Variants in EFEMP1 observed in about 807,000 individuals in gnomAD.
EFEMP1 encodes EGF-containing fibulin-like extracellular matrix protein 1.
Under a neutral mutation model 65.7 loss-of-function variants are expected in EFEMP1, and 18 were observed. The ratio of observed to expected loss-of-function variants is 0.27; its 90% CI spans 0.19 to 0.41. The LOEUF (loss-of-function observed/expected upper bound fraction) is 0.41, where lower values mean the gene tolerates loss of function less well. Among genes scored for constraint, EFEMP1 ranks in the 10% least tolerant of loss-of-function variants. The pLI, the probability that EFEMP1 is intolerant of heterozygous loss-of-function variation, is 1.00. For synonymous variants in EFEMP1, 237 were observed against 219.7 expected (o/e 1.08, Z -0.70); for missense variants, 469 against 624.8 (o/e 0.75, Z 2.66).
intron 5 of EFEMP1, among the ~76,000 whole-genome samples, chr2:55,889,689 G>C (rs542756547): frequency 6.6e-5 from 10 of 152,212 alleles, no homozygotes; most frequent in Admixed American, 5.9e-4. Context: ...AGTTTGGCAG[G>C]AAGAGGAATA....
At chr2:55,913,775 T>A (rs1243480242) in intron 5 of EFEMP1, among the ~76,000 whole-genome samples, 2 of 152,114 alleles carry the variant, frequency 1.3e-5, no homozygotes, top group East Asian at 1.9e-4. Flanking sequence ...TTTGGGAGGC[T>A]GAGGTGGGCA....
Position 55,867,160 on chromosome 2 carries a change from C to T in EFEMP1, c.1395G>A (p.Leu465=). 1.2e-6 allele frequency: 2 copies of T among 1,614,004 alleles called. No individual in the cohort carries two copies. The highest frequency in any genetic ancestry group is 8.5e-7 in the Non-Finnish European group (1 of 1,179,932). The part of the protein sequence containing the change: ...LSGPREHIVD[L]EMLTVSSIGT... ...CTATACTGCTGACTGTCAGCATCTC[C>T]AGGTCCACGATATGTTCTCTTGGTC... Residue 465 remains leucine, a synonymous_variant, in exon 12 of 12, where the codon CTG becomes CTA. Transcript: ENST00000355426. This position sits in a 1 kb window ranked among gnomAD's most constrained non-coding sequence, Gnocchi z 4.3.
Position 55,873,551 on chromosome 2 carries a change from T to G in EFEMP1, c.1000+1395A>C, listed in dbSNP as rs2104375554. The stretch of plus-strand genomic sequence containing the variant: ...ACTCCAGAGAAATTTGTTAAGACAT[T>G]CCACTAGCTAACATTTTCTTGCATG... On this transcript the variant is annotated intron_variant, in intron 9 of 11. Coordinates refer to ENST00000355426, the MANE Select transcript of EFEMP1 (RefSeq NM_001039348.3). This position sits in a 1 kb window ranked among gnomAD's most constrained non-coding sequence, Gnocchi z 4.6. 6.6e-6 allele frequency among the ~76,000 whole-genome samples: 1 copy of G among 152,194 alleles called. No individual in the cohort carries two copies. The highest frequency in any genetic ancestry group is 2.4e-5 in the African/African-American group (1 of 41,554).
chr2:55,898,753 C>T (rs999348017), intron 5 of EFEMP1, among the ~76,000 whole-genome samples: 3 of 152,152 alleles, frequency 2.0e-5, no homozygotes, highest in Non-Finnish European at 4.4e-5. Context: ...CTGGGTCCTA[C>T]CTCAACTGTC....
chr2:55,877,174 GTGCTA>G lies in EFEMP1; in HGVS notation c.761-437_761-433del, dbSNP rs1394765175. On this transcript the variant is annotated intron_variant, in intron 7 of 11. Transcript: ENST00000355426. This position sits in a 1 kb window ranked among gnomAD's most constrained non-coding sequence, Gnocchi z 4.5. The stretch of plus-strand genomic sequence containing the variant: ...AGCATGCTGTACTGAAGATTTATCT[GTGCTA>G]TTTATTACTTTTTAAATGGGTTCTG... Among the ~76,000 whole-genome samples, 1 of 152,112 alleles carries G rather than the reference GTGCTA, an allele frequency of 6.6e-6. No homozygotes were observed. Among genetic ancestry groups the G allele is most frequent in the Non-Finnish European group, 1.5e-5 (1 of 68,016 alleles).
At chr2:55,908,379 C>A (rs1426484382) in intron 5 of EFEMP1, among the ~76,000 whole-genome samples, 1 of 152,046 alleles carries the variant, frequency 6.6e-6, no homozygotes, top group South Asian at 2.1e-4. Context: ...AATGTACAAT[C>A]TGAAAAAGTC....
chr2:55,876,117 A>G (rs1488866697), intron 8 of EFEMP1, among the ~76,000 whole-genome samples: 2 of 152,108 alleles, frequency 1.3e-5, no homozygotes, highest in African/African-American at 4.8e-5. Flanking sequence ...AGTGAAACCC[A>G]GGCAACTCAA....
At position 55,885,846 on chromosome 2, in the gene EFEMP1, T is replaced by C. The variant is rs1485056230; in HGVS notation, c.518-4112A>G. On this transcript the variant is annotated intron_variant, in intron 5 of 11. Coordinates refer to ENST00000355426, the MANE Select transcript of EFEMP1 (RefSeq NM_001039348.3). The surrounding 1 kb of genome is among the most constrained non-coding windows in gnomAD (Gnocchi z 4.3). The stretch of plus-strand genomic sequence containing the variant: ...TCCCTGCTTAGGCCCTCATTCTCTA[T>C]GTTTTTGGCTCCTTCCCTTCAGTCT... Among the ~76,000 whole-genome samples, 1 of 152,174 alleles carries C rather than the reference T, an allele frequency of 6.6e-6. No homozygotes were observed. The highest frequency in any genetic ancestry group is 1.5e-5 in the Non-Finnish European group (1 of 68,030).
At position 55,877,721 on chromosome 2, in the gene EFEMP1, A is replaced by G. The variant is rs567299788; in HGVS notation, c.760+25T>C. The G allele has an allele frequency of 3.7e-5, 59 of 1,612,536 alleles. No homozygotes were observed. In the Admixed American group the frequency reaches 9.7e-4, roughly 26 times the overall value. On this transcript the variant is annotated intron_variant, in intron 7 of 11. Transcript: ENST00000355426. This position sits in a 1 kb window ranked among gnomAD's most constrained non-coding sequence, Gnocchi z 4.5. ...GGGGTTTCCTTTTGTGAAGACAGAA[A>G]TCAGCAAGTTCTCAAAAGGCTTACC...
At position 55,870,691 on chromosome 2, in the gene EFEMP1, A is replaced by G. The variant is rs372003038; in HGVS notation, c.1320+29T>C. ...CAACAACAAACTCCCATCTTTCTCA[A>G]TAGTTAAGGCTGCCTTCAGGATACT... On this transcript the variant is annotated intron_variant, in intron 11 of 11. Coordinates refer to ENST00000355426, the MANE Select transcript of EFEMP1 (RefSeq NM_001039348.3). The surrounding 1 kb of genome is among the most constrained non-coding windows in gnomAD (Gnocchi z 5.8). The G allele has an allele frequency of 3.8e-5, 62 of 1,612,036 alleles. No homozygotes were observed. In the African/African-American group the frequency reaches 7.5e-4, roughly 19 times the overall value.
Position 55,918,290 on chromosome 2 carries a change from G to A in EFEMP1, c.82-23C>T, listed in dbSNP as rs369753474. The A allele has an allele frequency of 3.1e-6, 5 of 1,613,930 alleles. No individual in the cohort carries two copies. In the African/African-American group the frequency reaches 4.0e-5, roughly 13 times the overall value. ...TTGCTGTGAAGAAAACATCAAAGGT[G>A]GGGCCAGGAGACAGTTAATTGGTGT... On this transcript the variant is annotated intron_variant, in intron 3 of 11. Coordinates refer to ENST00000355426, the MANE Select transcript of EFEMP1 (RefSeq NM_001039348.3).
intron 5 of EFEMP1, among the ~76,000 whole-genome samples, chr2:55,903,347 A>G (rs1337535612): frequency 6.6e-6 from 1 of 152,234 alleles, no homozygotes; most frequent in Non-Finnish European, 1.5e-5. Flanking sequence ...CCACATGCAA[A>G]TTTGACTCTA....
At position 55,886,263 on chromosome 2, in the gene EFEMP1, C is replaced by A. The variant is rs1397366934; in HGVS notation, c.518-4529G>T. On this transcript the variant is annotated intron_variant, in intron 5 of 11. Transcript: ENST00000355426. This position sits in a 1 kb window ranked among gnomAD's most constrained non-coding sequence, Gnocchi z 4.0. The stretch of plus-strand genomic sequence containing the variant: ...AGAGAGTCTATCCTCAACAATAACA[C>A]ACAGATTTTTAAAAGTATTCAGATT... 6.6e-6 allele frequency among the ~76,000 whole-genome samples: 1 copy of A among 152,132 alleles called. No homozygotes were observed. Among genetic ancestry groups the A allele is most frequent in the Non-Finnish European group, 1.5e-5 (1 of 68,018 alleles).
At chr2:55,907,460 A>G (rs986151638) in intron 5 of EFEMP1, among the ~76,000 whole-genome samples, 1 of 152,230 alleles carries the variant, frequency 6.6e-6, no homozygotes, top group African/African-American at 2.4e-5. Flanking sequence ...TACAAATTGT[A>G]AAAATACGAT....
intron 5 of EFEMP1, among the ~76,000 whole-genome samples, chr2:55,912,040 C>G (rs945333322): frequency 6.6e-6 from 1 of 152,008 alleles, no homozygotes; most frequent in Non-Finnish European, 1.5e-5. Flanking sequence ...CAACTCTTAT[C>G]CATTTATATA....
In EFEMP1 at chr2:55,922,590, C is replaced by T; in HGVS notation, c.-7-143G>A. 2.6e-6 allele frequency: 2 copies of T among 771,076 alleles called. No homozygotes were observed. The highest frequency in any genetic ancestry group is 4.4e-6 in the Non-Finnish European group (2 of 456,550). The allele number at this position is 771,076 out of a possible 1,614,324, so 47.8% of individuals were successfully genotyped here. ...CTCAACTTCCAATCTGCTTTCTCATCTCCCCTCCCCCTCCTGAACCTTCTC... is the reference window on the plus strand; with the variant it reads ...CTCAACTTCCAATCTGCTTTCTCATTTCCCCTCCCCCTCCTGAACCTTCTC... On this transcript the variant is annotated intron_variant, in intron 2 of 11. Coordinates refer to ENST00000355426, the MANE Select transcript of EFEMP1 (RefSeq NM_001039348.3). This position sits in a 1 kb window ranked among gnomAD's most constrained non-coding sequence, Gnocchi z 5.5.
rs941489788 is a variant in EFEMP1 at position 55,921,439 on chromosome 2, A to G, written c.81+921T>C. On this transcript the variant is annotated intron_variant, in intron 3 of 11. Coordinates refer to ENST00000355426, the MANE Select transcript of EFEMP1 (RefSeq NM_001039348.3). This position sits in a 1 kb window ranked among gnomAD's most constrained non-coding sequence, Gnocchi z 4.1. Reference sequence around the variant, plus strand: ...ATTTTTAAGAGTTTTCTTTTCAAAAATTTTTCACATTCTTTCGAGTAGGAT... The same window carrying G: ...ATTTTTAAGAGTTTTCTTTTCAAAAGTTTTTCACATTCTTTCGAGTAGGAT... 6.6e-6 allele frequency among the ~76,000 whole-genome samples: 1 copy of G among 152,172 alleles called. No individual in the cohort carries two copies. The highest frequency in any genetic ancestry group is 1.5e-5 in the Non-Finnish European group (1 of 68,018).
rs1168525426 is a variant in EFEMP1 at position 55,886,750 on chromosome 2, G to A, written c.518-5016C>T. Among the ~76,000 whole-genome samples the A allele has an allele frequency of 6.6e-6, 1 of 152,072 alleles. No homozygotes were observed. Among genetic ancestry groups the A allele is most frequent in the Admixed American group, 6.6e-5 (1 of 15,260 alleles). ...ACTCTCTGAAACTTTTTAAATAAAA[G>A]GGACTCACTGAGTGAAGGTCTTAGA... is the stretch of plus-strand genomic sequence containing the variant. On this transcript the variant is annotated intron_variant, in intron 5 of 11. Transcript: ENST00000355426. The surrounding 1 kb of genome is among the most constrained non-coding windows in gnomAD (Gnocchi z 4.0).
intron 5 of EFEMP1, among the ~76,000 whole-genome samples, chr2:55,896,953 G>A (rs1306428390): frequency 6.6e-6 from 1 of 152,130 alleles, no homozygotes; most frequent in Non-Finnish European, 1.5e-5. Context: ...AGAACAACTT[G>A]CTCTTCCCTT....
Sources: gnomAD v4.1 joint callset for allele counts (sites outside exome capture counted in the v4.1 genomes callset) on GRCh38, gnomAD v4.1.1 for gene constraint, Gnocchi (gnomAD v3.1) non-coding constraint, MANE v1.5 for transcripts, NCBI Gene and HGNC (gene_info 2026-07-23, HGNC 2026-07-21) for gene names.